Variants in CHODL observed in about 807,000 individuals in gnomAD.
The protein encoded by CHODL is transmembrane protein MT75.
A neutral mutation model predicts 34.5 loss-of-function variants in CHODL; 29 were observed. The observed-to-expected ratio is 0.84, with a 90% CI of 0.63 to 1.15. The LOEUF (loss-of-function observed/expected upper bound fraction) is 1.15. CHODL is among the 50% of genes most tolerant of loss of function. The pLI is 0.00. For synonymous variants in CHODL, 125 were observed against 116.1 expected (o/e 1.08, Z -0.49); for missense variants, 332 against 332.5 (o/e 1.00, Z 0.01).
At chr21:17,986,152 CTG>C (rs1040433216) in intron 1 of CHODL, among the ~76,000 whole-genome samples, 9 of 151,868 alleles carry the variant, frequency 5.9e-5, no homozygotes, top group Non-Finnish European at 8.8e-5. Flanking sequence ...ATTTTTTTCT[CTG>C]TTTTTATTTT....
rs1282449524 is a variant in CHODL at position 18,055,261 on chromosome 21, C to G, written c.-45+27290C>G. 2.6e-5 allele frequency among the ~76,000 whole-genome samples: 4 copies of G among 151,926 alleles called. No homozygotes were observed. The East Asian group carries it at 7.7e-4, about 29-fold the overall frequency. ...AGTAACGAAGAATGAAGAATTATGACAAAATGAACCCACCCTTATGTCCCC... is the reference window on the plus strand; with the variant it reads ...AGTAACGAAGAATGAAGAATTATGAGAAAATGAACCCACCCTTATGTCCCC... On this transcript the variant is annotated intron_variant, in intron 2 of 6. Transcript: ENST00000400127.
At chr21:17,934,706 C>T (rs1015726093) in intron 1 of CHODL, among the ~76,000 whole-genome samples, 1 of 152,002 alleles carries the variant, frequency 6.6e-6, no homozygotes, top group African/African-American at 2.4e-5. Flanking sequence ...GGCAAAATGT[C>T]TATAATATTT....
intron 2 of CHODL, among the ~76,000 whole-genome samples, chr21:18,135,620 C>T (rs2072712771): frequency 6.6e-6 from 1 of 152,096 alleles, no homozygotes; most frequent in Non-Finnish European, 1.5e-5. Context: ...TCTGAGATGT[C>T]ACAGCAGTCA....
intron 1 of CHODL, among the ~76,000 whole-genome samples, chr21:17,986,349 G>A (rs1304733202): frequency 6.6e-6 from 1 of 151,460 alleles, no homozygotes; most frequent in Admixed American, 6.6e-5. Context: ...GGTGTGTGAT[G>A]TTCCCCTCCC....
intron 2 of CHODL, among the ~76,000 whole-genome samples, chr21:18,083,096 A>G (rs888118208): frequency 7.2e-5 from 11 of 152,168 alleles, no homozygotes; most frequent in Admixed American, 4.6e-4. Flanking sequence ...GGAGGAAAAA[A>G]TTGTTTCATG....
chr21:18,056,299 G>A (rs1029545412), intron 2 of CHODL, among the ~76,000 whole-genome samples: 4 of 151,400 alleles, frequency 2.6e-5, no homozygotes, highest in African/African-American at 4.8e-5. Flanking sequence ...TAGGTCACTT[G>A]ATTTATTTAT....
intron 2 of CHODL, among the ~76,000 whole-genome samples, chr21:18,070,501 G>A (rs2064790407): frequency 6.6e-6 from 1 of 152,088 alleles, no homozygotes; most frequent in South Asian, 2.1e-4. Flanking sequence ...AAGTTCGAGA[G>A]TAAGCAAATA....
chr21:17,976,943 G>A (rs1600850562), intron 1 of CHODL, among the ~76,000 whole-genome samples: 1 of 152,084 alleles, frequency 6.6e-6, no homozygotes, highest in Admixed American at 6.6e-5. Flanking sequence ...AATAATTGTT[G>A]TCAGTTTCAT....
At chr21:18,153,179 A>T (rs1421361841) in intron 2 of CHODL, among the ~76,000 whole-genome samples, 1 of 152,120 alleles carries the variant, frequency 6.6e-6, no homozygotes, top group East Asian at 1.9e-4. Context: ...AGCTCAGCTG[A>T]TTTTCTGCTC....
At chr21:18,096,764 C>G (rs1014608180) in intron 2 of CHODL, among the ~76,000 whole-genome samples, 1 of 152,140 alleles carries the variant, frequency 6.6e-6, no homozygotes, top group African/African-American at 2.4e-5. Flanking sequence ...TGCCATTTGC[C>G]TTGTGATCTT....
intron 1 of CHODL, among the ~76,000 whole-genome samples, chr21:17,952,597 A>G (rs1484606763): frequency 6.6e-6 from 1 of 152,204 alleles, no homozygotes; most frequent in Non-Finnish European, 1.5e-5. Flanking sequence ...TTTCAGGTTG[A>G]GGAGAAATGA....
chr21:18,190,555 G>T (rs2073498850), intron 2 of CHODL, among the ~76,000 whole-genome samples: 1 of 152,126 alleles, frequency 6.6e-6, no homozygotes, highest in South Asian at 2.1e-4. Context: ...CAGTAAAAAG[G>T]CTCAGGAAGC....
chr21:18,023,353 G>C (rs2064144865), intron 1 of CHODL, among the ~76,000 whole-genome samples: 1 of 152,156 alleles, frequency 6.6e-6, no homozygotes, highest in African/African-American at 2.4e-5. Context: ...AGACTGAGAG[G>C]GATGTTATTT....
chr21:18,169,166 A>C (rs1212691425), intron 2 of CHODL, among the ~76,000 whole-genome samples: 3 of 152,120 alleles, frequency 2.0e-5, no homozygotes, highest in Non-Finnish European at 2.9e-5. Context: ...CTTTGTAAAA[A>C]ATTTTTTGAT....
intron 2 of CHODL, among the ~76,000 whole-genome samples, chr21:18,030,906 A>G (rs2064240144): frequency 6.6e-6 from 1 of 152,108 alleles, no homozygotes; most frequent in Non-Finnish European, 1.5e-5. Context: ...TTCTAATAAT[A>G]TTGGGCAGAT....
intron 2 of CHODL, among the ~76,000 whole-genome samples, chr21:18,033,950 A>C (rs1401201394): frequency 6.6e-6 from 1 of 152,024 alleles, no homozygotes; most frequent in Non-Finnish European, 1.5e-5. Context: ...AAACCTTATA[A>C]CATCTTAAGA....
chr21:18,128,432 G>A (rs1191515202), intron 2 of CHODL, among the ~76,000 whole-genome samples: 7 of 150,190 alleles, frequency 4.7e-5, no homozygotes, highest in African/African-American at 1.5e-4. Context: ...ATTGTTGGAA[G>A]TCAAAGCAAA....
At chr21:17,974,918 T>C (rs1202420062) in intron 1 of CHODL, among the ~76,000 whole-genome samples, 1 of 148,468 alleles carries the variant, frequency 6.7e-6, no homozygotes, top group Non-Finnish European at 1.5e-5. Context: ...CAAAATGTAC[T>C]TTATATATAT....
intron 1 of CHODL, among the ~76,000 whole-genome samples, chr21:18,009,310 AAC>A (rs1159837921): frequency 6.6e-6 from 1 of 152,158 alleles, no homozygotes; most frequent in Non-Finnish European, 1.5e-5. Context: ...ATTAGTACTC[AAC>A]ACATATTTTT....
Sources: gnomAD v4.1 joint callset for allele counts (sites outside exome capture counted in the v4.1 genomes callset) on GRCh38, gnomAD v4.1.1 for gene constraint, MANE v1.5 for transcripts, NCBI Gene and HGNC (gene_info 2026-07-23, HGNC 2026-07-21) for gene names.